The following LCLAT1 variants were observed in gnomAD, a reference collection of about 807,000 sequenced individuals.
LCLAT1 encodes 1-AGP acyltransferase 8.
A neutral mutation model predicts 30.7 loss-of-function variants in LCLAT1; 11 were observed. The observed-to-expected ratio is 0.36, with a 90% confidence interval of 0.23 to 0.59. The LOEUF is 0.59. LCLAT1 is among the 20% of genes least tolerant of loss of function. The pLI is 0.77. For synonymous variants in LCLAT1, 155 were observed against 151.3 expected (o/e 1.02, Z -0.18); for missense variants, 402 against 458.6 (o/e 0.88, Z 1.13).
At chr2:30,499,338 G>C (rs780883858) in intron 1 of LCLAT1, among the ~76,000 whole-genome samples, 2 of 152,064 alleles carry the variant, frequency 1.3e-5, no homozygotes, top group South Asian at 2.1e-4. Flanking sequence ...CCGCCATCAC[G>C]CCCAGCTAAT....
rs1681295586 is a variant in LCLAT1, at chr2:30,447,306, G to T, written c.-82G>T. The T allele has an allele frequency of 6.6e-6, 1 of 151,978 alleles. No individual in the cohort carries two copies. Among genetic ancestry groups the T allele is most frequent in the South Asian group, 2.1e-4 (1 of 4,804 alleles). 9.4% of individuals were successfully genotyped at this position (151,978 alleles called of 1,614,324 possible). On this transcript the variant is annotated 5_prime_UTR_variant, in exon 1 of 6. Coordinates refer to ENST00000379509, the MANE Select transcript of LCLAT1 (RefSeq NM_001002257.3). ...ATGAATTAACGGCGGGTTCCGCACG[G>T]AGGTTGTGACCCCTACGGAGCCCCA... is the stretch of plus-strand genomic sequence containing the variant.
At chr2:30,620,306 C>T (rs1668180590) in intron 5 of LCLAT1, among the ~76,000 whole-genome samples, 1 of 152,114 alleles carries the variant, frequency 6.6e-6, no homozygotes, top group Admixed American at 6.5e-5. Flanking sequence ...TTGCCTCATC[C>T]CAGCCGTGTG....
chr2:30,515,132 G>A (rs1468663303), intron 1 of LCLAT1, among the ~76,000 whole-genome samples: 2 of 152,074 alleles, frequency 1.3e-5, no homozygotes, highest in Admixed American at 6.6e-5. Context: ...CTGTGACTCT[G>A]TAGGTTATTG....
chr2:30,600,601 A>AATG (rs1301076806), intron 5 of LCLAT1, among the ~76,000 whole-genome samples: 1 of 128,554 alleles, frequency 7.8e-6, no homozygotes. Context: ...TTTCTTTAAG[A>AATG]ATGTTGAATA....
intron 5 of LCLAT1, among the ~76,000 whole-genome samples, chr2:30,623,448 C>T (rs917540703): frequency 6.6e-6 from 1 of 152,046 alleles, no homozygotes; most frequent in Non-Finnish European, 1.5e-5. Context: ...AATGGACACA[C>T]TTAGAGAAAT....
At chr2:30,539,804 G>T (rs916002702) in intron 3 of LCLAT1, among the ~76,000 whole-genome samples, 3 of 152,048 alleles carry the variant, frequency 2.0e-5, no homozygotes, top group Non-Finnish European at 4.4e-5. Context: ...CTGTGTAAGG[G>T]ACTTTATATA....
chr2:30,485,242 G>T (rs1231157446), intron 1 of LCLAT1, among the ~76,000 whole-genome samples: 1 of 152,088 alleles, frequency 6.6e-6, no homozygotes. Context: ...TCCCCGCTTA[G>T]CTGAATAGTT....
rs150085223 is a variant in LCLAT1, at chr2:30,640,299, G to C, written c.811G>C (p.Glu271Gln). 5.0e-5 allele frequency: 81 copies of C among 1,614,068 alleles called. No homozygotes were observed. The highest frequency in any genetic ancestry group is 6.6e-5 in the Non-Finnish European group (78 of 1,180,036). Residue 271 changes from glutamate to glutamine, a missense_variant, in exon 6 of 6, where the codon GAA (glutamate) becomes CAA (glutamine). Transcript: ENST00000379509. Reference sequence around the variant, plus strand: ...TCAACTCTGGTGCCACAAACGGTGGGAAGAGAAAGAAGAGAGGCTGCGTTC... The same window carrying C: ...TCAACTCTGGTGCCACAAACGGTGGCAAGAGAAAGAAGAGAGGCTGCGTTC... ...DLQLWCHKRWEEKEERLRSFY... is the reference protein window; with the variant it reads ...DLQLWCHKRWQEKEERLRSFY...
At chr2:30,539,190 C>G (rs1663983794) in intron 3 of LCLAT1, among the ~76,000 whole-genome samples, 1 of 151,030 alleles carries the variant, frequency 6.6e-6, no homozygotes, top group East Asian at 1.9e-4. Flanking sequence ...ACCTCGTGAT[C>G]CGCCCGCCTC....
intron 5 of LCLAT1, among the ~76,000 whole-genome samples, chr2:30,638,814 TCACATC>T (rs1185471583): frequency 2.2e-5 from 2 of 91,978 alleles, no homozygotes; most frequent in African/African-American, 2.2e-4. Flanking sequence ...CTGTACGGTG[TCACATC>T]CGTCTCCCAC....
At chr2:30,620,038 G>A (rs1009859343) in intron 5 of LCLAT1, among the ~76,000 whole-genome samples, 2 of 152,104 alleles carry the variant, frequency 1.3e-5, no homozygotes, top group African/African-American at 4.8e-5. Flanking sequence ...AACATTCGTT[G>A]ATCACTTACT....
chr2:30,589,667 G>GT (rs544731054), intron 5 of LCLAT1, among the ~76,000 whole-genome samples: 5 of 152,264 alleles, frequency 3.3e-5, no homozygotes, highest in African/African-American at 1.2e-4. Context: ...AGTACATGGC[G>GT]TATCTTCTTG....
intron 1 of LCLAT1, among the ~76,000 whole-genome samples, chr2:30,465,416 G>A (rs1298452818): frequency 6.6e-6 from 1 of 152,164 alleles, no homozygotes; most frequent in African/African-American, 2.4e-5. Context: ...ACTGCTTTCA[G>A]ACTTTTTTTG....
intron 1 of LCLAT1, chr2:30,459,747 G>A (rs754053189): frequency 8.5e-6 from 13 of 1,521,266 alleles, no homozygotes; most frequent in Non-Finnish European, 1.1e-5. Context: ...TGATTTAGAT[G>A]CTTGAGGTTT....
rs994047099 is a variant in LCLAT1 at position 30,489,887 on chromosome 2, C to T, written c.-4-35700C>T. Among the ~76,000 whole-genome samples the T allele has an allele frequency of 3.3e-5, 5 of 152,332 alleles. No individual in the cohort carries two copies. The South Asian group carries it at 8.3e-4, about 25-fold the overall frequency. ...AAACTGGTTACGCTCTTAAACTTCA[C>T]GTGAGGCACTTGTGTCTAAATCCAA... On this transcript the variant is annotated intron_variant, in intron 1 of 5. Transcript: ENST00000379509.
At chr2:30,475,546 A>G (rs1453663196) in intron 1 of LCLAT1, among the ~76,000 whole-genome samples, 1 of 152,142 alleles carries the variant, frequency 6.6e-6, no homozygotes, top group Non-Finnish European at 1.5e-5. Context: ...AGTTATTATG[A>G]TTTTTGACCT....
chr2:30,502,237 T>C (rs1036670569), intron 1 of LCLAT1, among the ~76,000 whole-genome samples: 2 of 152,218 alleles, frequency 1.3e-5, no homozygotes, highest in African/African-American at 2.4e-5. Context: ...TTGTTCTTGT[T>C]TCTAATTTGT....
chr2:30,537,330 G>A (rs1222602638), intron 3 of LCLAT1, among the ~76,000 whole-genome samples: 7 of 151,226 alleles, frequency 4.6e-5, no homozygotes, highest in South Asian at 4.2e-4. Flanking sequence ...GCAGTGAGCC[G>A]AGATTGCGCC....
rs370420579 is a variant in LCLAT1 at position 30,523,867 on chromosome 2, A to AAAAC, written c.-4-1704_-4-1701dup. On this transcript the variant is annotated intron_variant, in intron 1 of 5. Coordinates refer to ENST00000379509, the MANE Select transcript of LCLAT1 (RefSeq NM_001002257.3). ...TAGCGACAGAGTGAGACGCAATCTC[A>AAAAC]AAACAAACAAACAAACAAAAACTTA... Among the ~76,000 whole-genome samples the AAAAC allele has an allele frequency of 7.2e-5, 11 of 152,342 alleles. 1 individual carries two copies. Among genetic ancestry groups the AAAAC allele is most frequent in the African/African-American group, 2.2e-4 (9 of 41,570 alleles).
Sources: gnomAD v4.1 joint callset for allele counts (sites outside exome capture counted in the v4.1 genomes callset) on GRCh38, gnomAD v4.1.1 for gene constraint, MANE v1.5 for transcripts, NCBI Gene and HGNC (gene_info 2026-07-23, HGNC 2026-07-21) for gene names.